The following VAV3 variants were observed in gnomAD, a reference collection of about 807,000 sequenced individuals.
VAV3 encodes vav guanine nucleotide exchange factor 3, also known as guanine nucleotide exchange factor VAV3.
Under a neutral mutation model 131.2 loss-of-function variants are expected in VAV3, and 94 were observed. The observed-to-expected ratio is 0.72, with a 90% CI of 0.61 to 0.85. The LOEUF (loss-of-function observed/expected upper bound fraction) is 0.85, where lower values mean the gene tolerates loss of function less well. VAV3 is among the 40% of genes least tolerant of loss of function. The probability of loss-of-function intolerance (pLI) is 0.00; values close to 1 mark genes in which losing one functional copy is unlikely to be tolerated. For synonymous variants in VAV3, 349 were observed against 342.0 expected, an observed-to-expected ratio of 1.02 and a Z score of -0.22; for missense variants, 939 against 1,002.7, an observed-to-expected ratio of 0.94 and a Z score of 0.86.
intron 1 of VAV3, among the ~76,000 whole-genome samples, chr1:107,881,193 C>T (rs1434421553): frequency 6.6e-6 from 1 of 152,084 alleles, no homozygotes; most frequent in African/African-American, 2.4e-5. Context: ...ACAACCAGGA[C>T]ATTATCATAT....
chr1:107,604,963 C>T (rs1652154572), intron 22 of VAV3, among the ~76,000 whole-genome samples: 1 of 152,150 alleles, frequency 6.6e-6, no homozygotes, highest in Non-Finnish European at 1.5e-5. Context: ...AAACCATCTT[C>T]TTCCTGCCAC....
intron 10 of VAV3, among the ~76,000 whole-genome samples, chr1:107,758,035 T>C (rs187282514): frequency 7.0e-4 from 106 of 152,238 alleles, no homozygotes; most frequent in African/African-American, 2.4e-3. Context: ...TCCCCTCAAA[T>C]CCAACATTCC....
At position 107,770,540 on chromosome 1, in the gene VAV3, T is replaced by C. The variant is rs1011360576; in HGVS notation, c.648+96A>G. ...AAGTACAAAGTTCTCCTAAAAATTA[T>C]AATACACATACACACCTTCAGAAGA... is the stretch of plus-strand genomic sequence containing the variant. On this transcript the variant is annotated intron_variant, in intron 6 of 26. Coordinates refer to ENST00000370056, the MANE Select transcript of VAV3 (RefSeq NM_006113.5). 13 of 816,336 alleles carry C rather than the reference T, an allele frequency of 1.6e-5. No homozygotes were observed. Among genetic ancestry groups the C allele is most frequent in the Middle Eastern group, 2.6e-4 (1 of 3,824 alleles). 50.6% of individuals were successfully genotyped at this position (816,336 alleles called of 1,614,324 possible).
intron 1 of VAV3, among the ~76,000 whole-genome samples, chr1:107,889,932 G>A (rs1671234639): frequency 6.6e-6 from 1 of 152,148 alleles, no homozygotes; most frequent in African/African-American, 2.4e-5. Flanking sequence ...TAAGACTAAA[G>A]GCATCTGGCT....
At chr1:107,766,577 A>G (rs774076257) in intron 7 of VAV3, 27 bp from the exon 8 acceptor site, 1 of 1,586,984 alleles carries the variant, frequency 6.3e-7, no homozygotes, top group Non-Finnish European at 8.6e-7. Context: ...ATGTGAAAGG[A>G]AAGTAGGAAT....
chr1:107,701,731 C>T (rs2101833375), intron 17 of VAV3, among the ~76,000 whole-genome samples: 1 of 152,268 alleles, frequency 6.6e-6, no homozygotes, highest in Non-Finnish European at 1.5e-5. Context: ...CAAAGTTCCA[C>T]AGATCTCTAG....
chr1:107,685,302 A>G (rs1359291176), intron 18 of VAV3, among the ~76,000 whole-genome samples: 1 of 152,194 alleles, frequency 6.6e-6, no homozygotes, highest in African/African-American at 2.4e-5. Flanking sequence ...TTAAATTTAT[A>G]TCTCTGTGCC....
chr1:107,746,392 A>G (rs1663346004), intron 15 of VAV3, among the ~76,000 whole-genome samples: 1 of 152,210 alleles, frequency 6.6e-6, no homozygotes, highest in Non-Finnish European at 1.5e-5. Flanking sequence ...CTCTAAAACA[A>G]CAAAAACTAC....
At chr1:107,886,947 T>C (rs1000772400) in intron 1 of VAV3, among the ~76,000 whole-genome samples, 6 of 151,996 alleles carry the variant, frequency 3.9e-5, no homozygotes, top group Non-Finnish European at 7.4e-5. Flanking sequence ...AAGCATTACA[T>C]TAACAAATGT....
In VAV3 at chr1:107,640,759, T is replaced by C. The variant is rs1006248918; in HGVS notation, c.1914+1860A>G. ...GACATGGAGTGGTAGAAAGTGAGCA[T>C]AGACTACTTCCCCAACAAGCTTAGC... is the stretch of plus-strand genomic sequence containing the variant. On this transcript the variant is annotated intron_variant, in intron 20 of 26. Coordinates refer to ENST00000370056, the MANE Select transcript of VAV3 (RefSeq NM_006113.5). 3.9e-5 allele frequency among the ~76,000 whole-genome samples: 6 copies of C among 152,210 alleles called. No homozygotes were observed. The East Asian group carries it at 1.2e-3, about 29-fold the overall frequency.
In VAV3 at chr1:107,709,338, G is replaced by A. The variant is rs568349813; in HGVS notation, c.1503-4277C>T. On this transcript the variant is annotated intron_variant, in intron 15 of 26. Transcript: ENST00000370056. ...AAATCAGAAAAAATATGCTTTTACT[G>A]TAGTATTTTGTTTGTTTTCAAAAGC... is the stretch of plus-strand genomic sequence containing the variant. 1.1e-4 allele frequency among the ~76,000 whole-genome samples: 16 copies of A among 152,230 alleles called. 1 individual carries two copies. The South Asian group carries it at 3.3e-3, about 32-fold the overall frequency.
chr1:107,955,413 A>G (rs1031857108), intron 1 of VAV3, among the ~76,000 whole-genome samples: 4 of 152,088 alleles, frequency 2.6e-5, no homozygotes, highest in Non-Finnish European at 5.9e-5. Context: ...ATGTATGCCT[A>G]TTAGGTATGA....
intron 2 of VAV3, among the ~76,000 whole-genome samples, chr1:107,844,566 ACTG>A (rs1668877700): frequency 6.6e-6 from 1 of 152,158 alleles, no homozygotes; most frequent in African/African-American, 2.4e-5. Flanking sequence ...GCTAAGATCC[ACTG>A]GCTTGAAATT....
intron 20 of VAV3, among the ~76,000 whole-genome samples, chr1:107,626,524 TC>T (rs1654025513): frequency 6.6e-6 from 1 of 152,172 alleles, no homozygotes. Context: ...TAGCTTTTTA[TC>T]CCCATGGCCA....
At chr1:107,760,997 T>C (rs539207697) in intron 9 of VAV3, 118 bp from the exon 10 acceptor site, 3 of 573,660 alleles carry the variant, frequency 5.2e-6, no homozygotes, top group Non-Finnish European at 9.2e-6. Context: ...TTAACAATCC[T>C]TCTCTGTAAA....
At chr1:107,588,455 A>G (rs532498701) in intron 25 of VAV3, among the ~76,000 whole-genome samples, 1 of 152,338 alleles carries the variant, frequency 6.6e-6, no homozygotes, top group African/African-American at 2.4e-5. Context: ...CACACTGGGT[A>G]CCAGTATTGG....
chr1:107,776,000 T>C lies in VAV3; in HGVS notation c.446+1231A>G, dbSNP rs1207915444. Among the ~76,000 whole-genome samples, 3 of 152,196 alleles carry C rather than the reference T, an allele frequency of 2.0e-5. 1 individual carries two copies. Among genetic ancestry groups the C allele is most frequent in the South Asian group, 4.1e-4 (2 of 4,830 alleles). ...TCCAAAGACTACAATTTACTAGCAA[T>C]ATTACCCTCAGCAAGTAACTAGGCT... On this transcript the variant is annotated intron_variant, in intron 4 of 26. Coordinates refer to ENST00000370056, the MANE Select transcript of VAV3 (RefSeq NM_006113.5).
At chr1:107,947,940 T>C (rs186729636) in intron 1 of VAV3, among the ~76,000 whole-genome samples, 6 of 152,228 alleles carry the variant, frequency 3.9e-5, no homozygotes, top group Admixed American at 3.9e-4. Context: ...CTAGGAGTAA[T>C]AACTTATGGT....
At position 107,709,088 on chromosome 1, in the gene VAV3, G is replaced by A. The variant is rs72977684; in HGVS notation, c.1503-4027C>T. ...GGAAGCAATGCTGAAATTCAGATAC[G>A]TCAGCCTCCATAACACTTTATGTAA... On this transcript the variant is annotated intron_variant, in intron 15 of 26. Coordinates refer to ENST00000370056, the MANE Select transcript of VAV3 (RefSeq NM_006113.5). Among the ~76,000 whole-genome samples, 811 of 152,156 alleles carry A rather than the reference G, an allele frequency of 5.3e-3. 10 individuals carry two copies. The highest frequency in any genetic ancestry group is 0.017 in the African/African-American group (713 of 41,514).
Sources: allele counts gnomAD v4.1 joint callset (sites outside exome capture counted in the v4.1 genomes callset), GRCh38; gene constraint gnomAD v4.1.1; transcripts MANE v1.5; gene names NCBI Gene and HGNC (gene_info 2026-07-23, HGNC 2026-07-21).